FADS2: variants seen among roughly 807,000 people sequenced by gnomAD.
FADS2 encodes acyl-CoA 6-desaturase.
In FADS2, 18 loss-of-function variants were observed where a neutral mutation model predicts 61.2. That is an observed-to-expected ratio of 0.29 (90% CI 0.20 to 0.44). The LOEUF (loss-of-function observed/expected upper bound fraction) is 0.44. Ranked by LOEUF, FADS2 falls within the 20% of genes least tolerant of loss-of-function variation. FADS2 has a pLI of 1.00. For missense variants in FADS2, 322 were observed against 572.7 expected, an observed-to-expected ratio of 0.56 and a Z score of 4.47; for synonymous variants, 203 against 223.9, an observed-to-expected ratio of 0.91 and a Z score of 0.83.
upstream of FADS2, chr11:61,826,388 T>C: frequency 1.4e-6 from 1 of 702,606 alleles, no homozygotes; most frequent in Non-Finnish European, 2.6e-6. Flanking sequence ...GTGCTCCCTT[T>C]TAGGGCCTGA....
At chr11:61,857,980 G>A (rs1011914443) in intron 7 of FADS2, among the ~76,000 whole-genome samples, 5 of 152,194 alleles carry the variant, frequency 3.3e-5, no homozygotes, top group African/African-American at 1.2e-4. Flanking sequence ...GGCATAAGCA[G>A]CAGCGATGTG....
At chr11:61,846,423 TCTCTC>T (rs2067260514) in intron 4 of FADS2, among the ~76,000 whole-genome samples, 1 of 141,326 alleles carries the variant, frequency 7.1e-6, no homozygotes, top group African/African-American at 2.6e-5. Flanking sequence ...TTTTTTTTTT[TCTCTC>T]TCTCTCTCTC....
intron 5 of FADS2, chr11:61,855,861 A>G (rs2067352200): frequency 6.6e-6 from 1 of 152,364 alleles, no homozygotes; most frequent in Non-Finnish European, 1.5e-5. Flanking sequence ...ACACTATAGG[A>G]GGAGGCATCT....
intron 5 of FADS2, chr11:61,849,676 A>G (rs1228164256): frequency 6.6e-6 from 1 of 152,200 alleles, no homozygotes; most frequent in African/African-American, 2.4e-5. Context: ...ACAAGATGCT[A>G]TACAGTCTTC....
intron 1 of FADS2, chr11:61,817,139 G>C (rs1223182832): frequency 1.9e-6 from 1 of 517,326 alleles, no homozygotes; most frequent in Non-Finnish European, 3.2e-6. Flanking sequence ...CCCTGGGTGC[G>C]GGGCCGCGCT....
chr11:61,845,896 C>G (rs1189550206), intron 4 of FADS2, among the ~76,000 whole-genome samples: 1 of 152,136 alleles, frequency 6.6e-6, no homozygotes. Context: ...GACTGCCCAC[C>G]TCACTGCCTC....
chr11:61,865,774 T>C lies in FADS2; in HGVS notation c.*85T>C, dbSNP rs1379675710. 1 of 1,185,660 alleles carries C rather than the reference T, an allele frequency of 8.4e-7. No homozygotes were observed. Among genetic ancestry groups the C allele is most frequent in the Non-Finnish European group, 1.2e-6 (1 of 813,208 alleles). The allele number at this position is 1,185,660 out of a possible 1,614,324, so 73.4% of individuals were successfully genotyped here. Reference sequence around the variant, plus strand: ...TGATGGGCTTTTGTTCTGAGGGGTGTCCGAGAGGCTGGTGTATGCACTGCT... The same window carrying C: ...TGATGGGCTTTTGTTCTGAGGGGTGCCCGAGAGGCTGGTGTATGCACTGCT... On this transcript the variant is annotated 3_prime_UTR_variant, in exon 12 of 12. Coordinates refer to ENST00000278840, the MANE Select transcript of FADS2 (RefSeq NM_004265.4). The surrounding 1 kb of genome is among the most constrained non-coding windows in gnomAD (Gnocchi z 4.1).
At chr11:61,850,778 G>A (rs2067299930) in intron 5 of FADS2, among the ~76,000 whole-genome samples, 1 of 152,190 alleles carries the variant, frequency 6.6e-6, no homozygotes. Context: ...GCATAGAGTA[G>A]GGTTCAATCA....
intron 2 of FADS2, among the ~76,000 whole-genome samples, chr11:61,840,111 C>T (rs1412277133): frequency 6.6e-6 from 1 of 152,250 alleles, no homozygotes; most frequent in African/African-American, 2.4e-5. Context: ...TTCTCTGTCA[C>T]TCTTACCTAG....
intron 2 of FADS2, among the ~76,000 whole-genome samples, chr11:61,839,622 G>A (rs1225628243): frequency 6.6e-6 from 1 of 152,098 alleles, no homozygotes; most frequent in Non-Finnish European, 1.5e-5. Flanking sequence ...AAAAAAGTGT[G>A]GTCAACCATT....
At chr11:61,834,455 C>A (rs998996325) in intron 1 of FADS2, among the ~76,000 whole-genome samples, 1 of 152,168 alleles carries the variant, frequency 6.6e-6, no homozygotes, top group African/African-American at 2.4e-5. Context: ...ACTCCTGGCT[C>A]CCTGCCTGGC....
intron 1 of FADS2, among the ~76,000 whole-genome samples, chr11:61,835,323 C>T (rs1439057967): frequency 6.6e-6 from 1 of 151,876 alleles, no homozygotes; most frequent in Non-Finnish European, 1.5e-5. Flanking sequence ...GGCAGTTACC[C>T]TTGGGAGATC....
intron 7 of FADS2, among the ~76,000 whole-genome samples, chr11:61,858,329 C>A (rs557004272): frequency 6.6e-6 from 1 of 152,152 alleles, no homozygotes; most frequent in African/African-American, 2.4e-5. Flanking sequence ...CAGGCACCGG[C>A]CACCATGCCC....
upstream of FADS2, chr11:61,825,886 G>C (rs528843334): frequency 8.5e-6 from 5 of 585,958 alleles, no homozygotes; most frequent in African/African-American, 5.6e-5. Flanking sequence ...GAGTGAGACT[G>C]CATCTCAAAA....
chr11:61,857,161 A>G, intron 6 of FADS2, 90 bp downstream of exon 6: 3 of 1,156,054 alleles, frequency 2.6e-6, no homozygotes, highest in Non-Finnish European at 3.9e-6. Flanking sequence ...TCTTTTTCAG[A>G]TCCAGAAAGT....
intron 10 of FADS2, 55 bp downstream of exon 10, chr11:61,863,841 G>T: frequency 7.3e-7 from 1 of 1,376,226 alleles, no homozygotes; most frequent in South Asian, 1.2e-5. Context: ...GGAAGTGGCC[G>T]CTATCCCACT....
At chr11:61,824,795 T>C (rs1001961215), upstream of FADS2, among the ~76,000 whole-genome samples, 16 of 152,132 alleles carry the variant, frequency 1.1e-4, no homozygotes, top group African/African-American at 3.6e-4. Context: ...CTGGAATTAA[T>C]CCTTGGGAGC....
upstream of FADS2, chr11:61,828,121 C>T: frequency 7.4e-7 from 1 of 1,359,704 alleles, no homozygotes; most frequent in South Asian, 1.7e-5. The surrounding 1 kb of genome is among the most constrained non-coding windows in gnomAD (Gnocchi z 6.4). Context: ...AGGCAAAAGT[C>T]CATAGCGGGA....
intron 1 of FADS2, among the ~76,000 whole-genome samples, chr11:61,820,315 A>G (rs2067027811): frequency 6.6e-6 from 1 of 151,774 alleles, no homozygotes; most frequent in Non-Finnish European, 1.5e-5. Context: ...TCAGTACTAT[A>G]TGGGTCATGC....
Sources: allele counts gnomAD v4.1 joint callset (sites outside exome capture counted in the v4.1 genomes callset), GRCh38; gene constraint gnomAD v4.1.1; non-coding constraint Gnocchi (gnomAD v3.1); transcripts MANE v1.5; gene names NCBI Gene and HGNC (gene_info 2026-07-23, HGNC 2026-07-21).